The following OR13G1 variants were observed in gnomAD, a reference collection of about 807,000 sequenced individuals.
OR13G1 encodes the protein olfactory receptor family 13 subfamily G member 1.
For missense variants in OR13G1, 369 were observed against 385.7 expected, an observed-to-expected ratio of 0.96 and a Z score of 0.36; for synonymous variants, 128 against 136.2, an observed-to-expected ratio of 0.94 and a Z score of 0.42.
chr1:247,671,870 A>G lies in OR13G1; in HGVS notation c.*248T>C. 2.1e-6 allele frequency: 1 copy of G among 475,108 alleles called. No homozygotes were observed. The highest frequency in any genetic ancestry group is 3.7e-6 in the Non-Finnish European group (1 of 270,222). The allele number at this position is 475,108 out of a possible 1,614,324, so 29.4% of individuals were successfully genotyped here. ...TATATAAGTATTCGAAGTTATGTACATATTTTTGGAAAATGTTGGAATATA... is the reference window on the plus strand; with the variant it reads ...TATATAAGTATTCGAAGTTATGTACGTATTTTTGGAAAATGTTGGAATATA... On this transcript the variant is annotated 3_prime_UTR_variant, in exon 2 of 2. Coordinates refer to ENST00000642119, the MANE Select transcript of OR13G1 (RefSeq NM_001005487.2).
intron 1 of OR13G1, among the ~76,000 whole-genome samples, chr1:247,678,476 A>G (rs1253313916): frequency 6.6e-6 from 1 of 152,186 alleles, no homozygotes; most frequent in Admixed American, 6.5e-5. Context: ...AGAGTGATAC[A>G]AATTTCCTCG....
In OR13G1 at chr1:247,672,597, C is replaced by T. The variant is rs748243536; in HGVS notation, c.445G>A (p.Ala149Thr). ...GTGTGCACCCAGGAATTGGTGACTG[C>T]AATAGCCATGACCATGCTGAGCAAG... ...VALLSMVMAI[A>T]VTNSWVHTAL... The change falls in exon 2 of 2, where the codon GCA becomes ACA. Residue 149 changes from alanine (A) to threonine (T), a missense_variant. Transcript: ENST00000642119. 1 of 1,613,848 alleles carries T rather than the reference C, an allele frequency of 6.2e-7. No individual in the cohort carries two copies. Among genetic ancestry groups the T allele is most frequent in the African/African-American group, 1.3e-5 (1 of 74,886 alleles).
rs1659243443 is a variant in OR13G1, at chr1:247,672,984, G to A, written c.58C>T (p.Leu20Phe). ...IILGLTKKPE[L>F]QGIIFLFFLI... ...AAAAAGAGGAAGATAATTCCCTGGA[G>A]TTCAGGCTTTTTGGTGAGGCCCAGA... Residue 20 changes from leucine to phenylalanine, a missense_variant, in exon 2 of 2, where the codon CTC (leucine) becomes TTC (phenylalanine). Transcript: ENST00000642119. 6.2e-7 allele frequency: 1 copy of A among 1,613,952 alleles called. No homozygotes were observed. The highest frequency in any genetic ancestry group is 8.5e-7 in the Non-Finnish European group (1 of 1,179,916).
At chr1:247,677,760 G>T (rs937787816) in intron 1 of OR13G1, among the ~76,000 whole-genome samples, 7 of 152,148 alleles carry the variant, frequency 4.6e-5, no homozygotes, top group Admixed American at 6.6e-5. Context: ...AATGATGCTT[G>T]ATTTATGTGC....
chr1:247,671,954 C>T lies in OR13G1; in HGVS notation c.*164G>A, dbSNP rs906573868. On this transcript the variant is annotated 3_prime_UTR_variant, in exon 2 of 2. Transcript: ENST00000642119. Reference sequence around the variant, plus strand: ...CATATTGCTTTATGAATATTCTTCACATAAAGAGTACAGAATTTTGGAGAC... The same window carrying T: ...CATATTGCTTTATGAATATTCTTCATATAAAGAGTACAGAATTTTGGAGAC... 1 of 593,372 alleles carries T rather than the reference C, an allele frequency of 1.7e-6. No homozygotes were observed. 36.8% of individuals were successfully genotyped at this position (593,372 alleles called of 1,614,324 possible).
chr1:247,676,095 C>T (rs1659341615), intron 1 of OR13G1, among the ~76,000 whole-genome samples: 1 of 152,016 alleles, frequency 6.6e-6, no homozygotes, highest in South Asian at 2.1e-4. Flanking sequence ...TTGACCCTGT[C>T]TGTGACCTTC....
In OR13G1 at chr1:247,673,923, C is replaced by A. The variant is rs1282622594; in HGVS notation, c.-238-644G>T. Among the ~76,000 whole-genome samples, 4 of 152,138 alleles carry A rather than the reference C, an allele frequency of 2.6e-5. No individual in the cohort carries two copies. In the East Asian group the frequency reaches 7.7e-4, roughly 29 times the overall value. On this transcript the variant is annotated intron_variant, in intron 1 of 1. Transcript: ENST00000642119. ...ACAGAGCCATGATTTCTAAAGGATA[C>A]CCAAGCATAAATGGCAACTGGAGTT...
intron 1 of OR13G1, among the ~76,000 whole-genome samples, chr1:247,676,685 A>C (rs1572441005): frequency 6.6e-6 from 1 of 152,324 alleles, no homozygotes; most frequent in South Asian, 2.1e-4. Context: ...AACATAGCAC[A>C]CTTAATTTGG....
At chr1:247,678,489 C>T (rs1317688177) in intron 1 of OR13G1, among the ~76,000 whole-genome samples, 3 of 152,210 alleles carry the variant, frequency 2.0e-5, no homozygotes, top group African/African-American at 7.2e-5. Flanking sequence ...TTTCCTCGTA[C>T]TCTCATATTC....
intron 1 of OR13G1, among the ~76,000 whole-genome samples, chr1:247,677,185 G>T (rs1211208718): frequency 6.6e-6 from 1 of 152,190 alleles, no homozygotes; most frequent in Non-Finnish European, 1.5e-5. Context: ...GGAGGTTGCA[G>T]TGAGCCGAGA....
rs1659208189 is a variant in OR13G1 at position 247,671,758 on chromosome 1, A to G, written c.*360T>C. The G allele has an allele frequency of 1.4e-5, 3 of 210,870 alleles. No individual in the cohort carries two copies. Among genetic ancestry groups the G allele is most frequent in the Admixed American group, 5.2e-5 (1 of 19,270 alleles). The allele number at this position is 210,870 out of a possible 1,614,324, so 13.1% of individuals were successfully genotyped here. On this transcript the variant is annotated 3_prime_UTR_variant, in exon 2 of 2. Transcript: ENST00000642119. ...AGCTCACATTCACATACCAACAAAT[A>G]AATGGCACAAAATACACAAAATGTT...
chr1:247,679,696 T>TA lies in OR13G1; in HGVS notation c.-296dup, dbSNP rs1485477600. The TA allele has an allele frequency of 1.3e-5, 2 of 152,148 alleles. No individual in the cohort carries two copies. Among genetic ancestry groups the TA allele is most frequent in the African/African-American group, 4.8e-5 (2 of 41,438 alleles). 9.4% of individuals were successfully genotyped at this position (152,148 alleles called of 1,614,324 possible). A position where few individuals can be genotyped will look rare whatever the true frequency, so the allele number is the denominator to read the frequency against. ...AATGGTGACCTGTATTAAATCACTG[T>TA]AAAAAACTAAAAGTACAGTAGCTCT... On this transcript the variant is annotated 5_prime_UTR_variant, in exon 1 of 2. Transcript: ENST00000642119.
In OR13G1 at chr1:247,672,713, AC is replaced by A. The variant is rs1659236649; in HGVS notation, c.328del (p.Val110PhefsTer24). The stretch of plus-strand genomic sequence containing the variant: ...GTCATAGGCCATGGTGGTGAAGAGA[AC>A]CATCTCAGCTCCCAGAGACCATGTG... Reference protein sequence around the residue: ...LFTWSLGAEMVLFTTMAYDRY... With the variant: ...LFTWSLGAEMXLFTTMAYDRY... On this transcript the variant is annotated frameshift_variant, in exon 2 of 2. Coordinates refer to ENST00000642119, the MANE Select transcript of OR13G1 (RefSeq NM_001005487.2). LOFTEE classifies it low-confidence loss of function (END_TRUNC). The A allele has an allele frequency of 1.2e-6, 2 of 1,613,992 alleles. No homozygotes were observed.
chr1:247,674,155 T>G (rs953300791), intron 1 of OR13G1, among the ~76,000 whole-genome samples: 2 of 152,228 alleles, frequency 1.3e-5, no homozygotes, highest in Non-Finnish European at 2.9e-5. Context: ...ATTACAGGCA[T>G]GAGCCACTGC....
rs1217739548 is a variant in OR13G1, at chr1:247,672,441, TATCAGCAAC to T, written c.592_600del (p.Val198_Asp200del). 1.2e-6 allele frequency: 2 copies of T among 1,613,898 alleles called. No homozygotes were observed. The highest frequency in any genetic ancestry group is 2.7e-5 in the African/African-American group (2 of 74,872). ...ATAAAGTCCCCTATGGCCAGGGTAA[TATCAGCAAC>T]ATACACCATCACCTCATTGATTCTT... On this transcript the variant is annotated inframe_deletion, in exon 2 of 2. Transcript: ENST00000642119.
At chr1:247,674,064 G>A (rs953458705) in intron 1 of OR13G1, among the ~76,000 whole-genome samples, 13 of 152,086 alleles carry the variant, frequency 8.5e-5, no homozygotes, top group Non-Finnish European at 1.6e-4. Context: ...TAAAAAAGAT[G>A]GGGGTCTCAT....
rs1486471667 is a variant in OR13G1, at chr1:247,672,966, G to C, written c.76C>G (p.Leu26Val). The C allele has an allele frequency of 4.3e-6, 7 of 1,613,966 alleles. No individual in the cohort carries two copies. Among genetic ancestry groups the C allele is most frequent in the Non-Finnish European group, 5.9e-6 (7 of 1,179,908 alleles). Residue 26 changes from leucine to valine, a missense_variant, in exon 2 of 2, where the codon CTC (leucine) becomes GTC (valine). Transcript: ENST00000642119. ...KKPELQGIIF[L>V]FFLIVYLVAF... ...ACAAGATAGACAATGAGAAAAAAGA[G>C]GAAGATAATTCCCTGGAGTTCAGGC...
chr1:247,674,407 C>T (rs993118783), intron 1 of OR13G1, among the ~76,000 whole-genome samples: 2 of 152,128 alleles, frequency 1.3e-5, no homozygotes, highest in African/African-American at 2.4e-5. Flanking sequence ...TTTGAGTGTG[C>T]GTCCACAAAT....
chr1:247,676,760 C>T lies in OR13G1; in HGVS notation c.-239+2880G>A, dbSNP rs74154237. On this transcript the variant is annotated intron_variant, in intron 1 of 1. Transcript: ENST00000642119. Reference sequence around the variant, plus strand: ...GTGTGATATCTGAAACCCTAGCACCCGTGATTTTTATTGCTTAGTCAATAT... The same window carrying T: ...GTGTGATATCTGAAACCCTAGCACCTGTGATTTTTATTGCTTAGTCAATAT... 6.4e-3 allele frequency among the ~76,000 whole-genome samples: 976 copies of T among 152,152 alleles called. 6 individuals are homozygous for T. Among genetic ancestry groups the T allele is most frequent in the African/African-American group, 0.023 (938 of 41,512 alleles).
Sources: gnomAD v4.1 joint callset for allele counts (sites outside exome capture counted in the v4.1 genomes callset) on GRCh38, gnomAD v4.1.1 for gene constraint, MANE v1.5 for transcripts, NCBI Gene and HGNC (gene_info 2026-07-23, HGNC 2026-07-21) for gene names.